FN3K: variants seen among roughly 807,000 people sequenced by gnomAD.
The protein encoded by FN3K is fructosamine-3-kinase.
Under a neutral mutation model 24.8 loss-of-function variants are expected in FN3K, and 24 were observed. The observed-to-expected ratio is 0.97, with a 90% CI of 0.70 to 1.36. FN3K has a LOEUF of 1.36. Among genes scored for constraint, FN3K ranks in the 40% most tolerant of loss-of-function variants. The pLI, the probability that FN3K is intolerant of heterozygous loss-of-function variation, is 0.00. For missense variants in FN3K, 449 were observed against 416.7 expected (o/e 1.08, Z -0.67); for synonymous variants, 192 against 175.2 (o/e 1.10, Z -0.76).
chr17:82,737,383 G>T (rs2046908538), intron 1 of FN3K, among the ~76,000 whole-genome samples: 1 of 151,980 alleles, frequency 6.6e-6, no homozygotes, highest in African/African-American at 2.4e-5. Context: ...TGTCGCCCAG[G>T]CTGGATCTCG....
Position 82,738,474 on chromosome 17 carries a change from GT to G in FN3K, c.142-14del. 1 of 1,611,850 alleles carries G rather than the reference GT, an allele frequency of 6.2e-7. No individual in the cohort carries two copies. ...CTGAGTCAACAAGGCTGACAAGGCT[GT>G]GTTCTGGATGCAGGCCCGGCAGATG... On this transcript the variant is annotated splice_polypyrimidine_tract_variant and intron_variant, in intron 1 of 5. Transcript: ENST00000300784.
chr17:82,741,276 A>T lies in FN3K; in HGVS notation c.386-35A>T, dbSNP rs561117137. 355 of 1,597,150 alleles carry T rather than the reference A, an allele frequency of 2.2e-4. 4 individuals carry two copies. In the South Asian group the frequency reaches 3.9e-3, roughly 17 times the overall value. On this transcript the variant is annotated intron_variant, in intron 3 of 5. Transcript: ENST00000300784. ...AGGTCTGGCATTTAAGAGAAAGACA[A>T]ACAGCTCCTTCAGGCCAAGGATCTC...
chr17:82,747,926 A>T (rs904457731), intron 4 of FN3K, among the ~76,000 whole-genome samples: 1 of 152,178 alleles, frequency 6.6e-6, no homozygotes, highest in African/African-American at 2.4e-5. Flanking sequence ...GCTTCAACGT[A>T]GGAACGGGGG....
At chr17:82,743,331 A>G (rs549700536) in intron 4 of FN3K, among the ~76,000 whole-genome samples, 10 of 152,310 alleles carry the variant, frequency 6.6e-5, no homozygotes, top group African/African-American at 2.4e-4. Flanking sequence ...GAGCCCCTCA[A>G]TGCCCCTCGG....
chr17:82,741,862 C>G (rs1414848684), intron 4 of FN3K, among the ~76,000 whole-genome samples: 1 of 152,218 alleles, frequency 6.6e-6, no homozygotes, highest in Admixed American at 6.5e-5. Flanking sequence ...TGATGGTGTG[C>G]AACCATCACT....
At chr17:82,742,704 G>C in intron 4 of FN3K, 1 of 456,190 alleles carries the variant, frequency 2.2e-6, no homozygotes. Flanking sequence ...CAGCCCAACT[G>C]CCCTGTGCTT....
chr17:82,745,803 G>C (rs916175600), intron 4 of FN3K: 1 of 152,110 alleles, frequency 6.6e-6, no homozygotes, highest in African/African-American at 2.4e-5. Flanking sequence ...AGCTCTTTAA[G>C]AAACTACTGG....
intron 4 of FN3K, among the ~76,000 whole-genome samples, chr17:82,748,478 G>A (rs934520254): frequency 1.3e-5 from 2 of 148,532 alleles, no homozygotes; most frequent in South Asian, 4.4e-4. Flanking sequence ...TGTTAGCATG[G>A]TATATCTTTT....
intron 4 of FN3K, among the ~76,000 whole-genome samples, chr17:82,744,896 G>A (rs1030104465): frequency 1.3e-5 from 2 of 152,318 alleles, no homozygotes; most frequent in African/African-American, 2.4e-5. Context: ...ATTGCTGCCC[G>A]CATGTCCCAC....
intron 2 of FN3K, among the ~76,000 whole-genome samples, chr17:82,740,086 A>T (rs1156749062): frequency 6.6e-6 from 1 of 151,318 alleles, no homozygotes; most frequent in Non-Finnish European, 1.5e-5. Context: ...TATTTTTAGT[A>T]GAGATGGGGT....
rs984977919 is a variant in FN3K at position 82,735,756 on chromosome 17, CA to C, written c.123del (p.Val42SerfsTer33). ...ACACGGACGCAGGCCCAGTGTTCGT[CA>C]AAGTCAACCGCAGGACGCAGGTGCT... ...YDTDAGPVFV[K>X]VNRRTQARQM... is the part of the protein sequence containing the mutation. On this transcript the variant is annotated frameshift_variant, in exon 1 of 6. Coordinates refer to ENST00000300784, the MANE Select transcript of FN3K (RefSeq NM_022158.4). LOFTEE classifies it high-confidence loss of function. 2 of 1,563,822 alleles carry C rather than the reference CA, an allele frequency of 1.3e-6. No homozygotes were observed. The highest frequency in any genetic ancestry group is 1.7e-6 in the Non-Finnish European group (2 of 1,156,228).
At chr17:82,746,592 G>A (rs1438278448) in intron 4 of FN3K, among the ~76,000 whole-genome samples, 1 of 152,042 alleles carries the variant, frequency 6.6e-6, no homozygotes, top group Non-Finnish European at 1.5e-5. Flanking sequence ...CTTGAGGTCA[G>A]GAGTTCGAGA....
At chr17:82,745,579 A>C (rs1325591115) in intron 4 of FN3K, 1 of 152,242 alleles carries the variant, frequency 6.6e-6, no homozygotes, top group Non-Finnish European at 1.5e-5. Flanking sequence ...TCCATGTTGC[A>C]TGTGTCAAAA....
At chr17:82,741,467 A>G (rs2046941130) in intron 4 of FN3K, 74 bp downstream of exon 4, 1 of 1,328,808 alleles carries the variant, frequency 7.5e-7, no homozygotes, top group East Asian at 2.5e-5. Context: ...ACAGAATGCT[A>G]ATCTCCCAAG....
Position 82,750,678 on chromosome 17 carries a change from T to A in FN3K, c.853T>A (p.Tyr285Asn). Residue 285 changes from tyrosine to asparagine, a missense_variant, in exon 6 of 6, where the codon TAC becomes AAC. By Grantham distance (143) the Tyr-to-Asn change is moderately radical. Coordinates refer to ENST00000300784, the MANE Select transcript of FN3K (RefSeq NM_022158.4). ...GCTGCTGCTCTACCAGCTGTTTAAC[T>A]ACCTGAACCACTGGAACCACTTCGG... Reference protein sequence around the residue: ...QRLLLYQLFNYLNHWNHFGRE... With the variant: ...QRLLLYQLFNNLNHWNHFGRE... 1 of 1,613,858 alleles carries A rather than the reference T, an allele frequency of 6.2e-7. No individual in the cohort carries two copies. The highest frequency in any genetic ancestry group is 1.3e-5 in the African/African-American group (1 of 75,002).
intron 4 of FN3K, among the ~76,000 whole-genome samples, chr17:82,744,733 G>A (rs1598342495): frequency 6.6e-6 from 1 of 152,330 alleles, no homozygotes; most frequent in East Asian, 1.9e-4. Flanking sequence ...TCTCCGAGAG[G>A]GGGATGTGTC....
At chr17:82,742,914 C>T in intron 4 of FN3K, 1 of 322,096 alleles carries the variant, frequency 3.1e-6, no homozygotes, top group East Asian at 9.2e-5. Context: ...GGGTGATTCT[C>T]CCAGCTGGAG....
rs768119555 is a variant in FN3K at position 82,741,365 on chromosome 17, C to T, written c.440C>T (p.Thr147Met). 78 of 1,613,714 alleles carry T rather than the reference C, an allele frequency of 4.8e-5. No individual in the cohort carries two copies. The East Asian group carries it at 7.8e-4, about 16-fold the overall frequency. Residue 147 changes from threonine (T) to methionine (M), a missense_variant, in exon 4 of 6, where the codon ACG becomes ATG. By Grantham distance (81) the Thr-to-Met change is moderately conservative. Coordinates refer to ENST00000300784, the MANE Select transcript of FN3K (RefSeq NM_022158.4). ...TATGTGGACAAGTTCGGCTTCCACA[C>T]GGTGACGTGCTGCGGCTTCATCCCG... ...PQYVDKFGFH[T>M]VTCCGFIPQV...
intron 4 of FN3K, chr17:82,742,661 T>G (rs1192857359): frequency 2.2e-6 from 1 of 455,780 alleles, no homozygotes; most frequent in Non-Finnish European, 4.4e-6. Flanking sequence ...CCATCATCTT[T>G]GAAATCTGTG....
Sources: gnomAD v4.1 joint callset for allele counts (sites outside exome capture counted in the v4.1 genomes callset) on GRCh38, gnomAD v4.1.1 for gene constraint, MANE v1.5 for transcripts, NCBI Gene and HGNC (gene_info 2026-07-23, HGNC 2026-07-21) for gene names.